The following FOXN3 variants were observed in gnomAD, a reference collection of about 807,000 sequenced individuals.
The protein encoded by FOXN3 is forkhead box protein N3.
Under a neutral mutation model 38.4 loss-of-function variants are expected in FOXN3, and 7 were observed. The ratio of observed to expected loss-of-function variants is 0.18; its 90% confidence interval spans 0.10 to 0.34. The LOEUF is 0.34. Ranked by LOEUF, FOXN3 falls within the 10% of genes least tolerant of loss-of-function variation. The probability of loss-of-function intolerance (pLI) is 1.00; values close to 1 mark genes in which losing one functional copy is unlikely to be tolerated. For synonymous variants in FOXN3, 230 were observed against 242.2 expected, an observed-to-expected ratio of 0.95 and a Z score of 0.47; for missense variants, 456 against 613.4, an observed-to-expected ratio of 0.74 and a Z score of 2.71.
At chr14:89,207,737 T>C (rs771820370) in intron 4 of FOXN3, among the ~76,000 whole-genome samples, 6 of 152,190 alleles carry the variant, frequency 3.9e-5, no homozygotes, top group Non-Finnish European at 7.3e-5. Flanking sequence ...AAACGTACTG[T>C]ACCAGATGTG....
intron 1 of FOXN3, among the ~76,000 whole-genome samples, chr14:89,520,060 C>T (rs1164571543): frequency 1.3e-5 from 2 of 149,454 alleles, no homozygotes; most frequent in Non-Finnish European, 3.0e-5. Flanking sequence ...GTCACCCAGG[C>T]TGGAGTGCAG....
chr14:89,531,133 C>CATATATGTATTATATATACACATAT (rs1266174629), intron 1 of FOXN3, among the ~76,000 whole-genome samples: 1 of 148,670 alleles, frequency 6.7e-6, no homozygotes, highest in African/African-American at 2.5e-5. Flanking sequence ...TATATATACA[C>CATATATGTATTATATATACACATAT]ATATATGTAT....
intron 4 of FOXN3, among the ~76,000 whole-genome samples, chr14:89,181,276 C>T (rs1241267874): frequency 6.6e-6 from 1 of 152,076 alleles, no homozygotes; most frequent in Non-Finnish European, 1.5e-5. Context: ...AACCTTTTAC[C>T]TTCAGTCAGA....
At chr14:89,611,968 C>G (rs953400798) in intron 1 of FOXN3, among the ~76,000 whole-genome samples, 26 of 152,062 alleles carry the variant, frequency 1.7e-4, no homozygotes, top group African/African-American at 5.6e-4. Context: ...TTCTTCCCCC[C>G]GAAGGGAACT....
chr14:89,496,957 CTTCT>C (rs1010254920), intron 1 of FOXN3, among the ~76,000 whole-genome samples: 2 of 152,148 alleles, frequency 1.3e-5, no homozygotes, highest in Non-Finnish European at 2.9e-5. Context: ...GTGTCAGAAT[CTTCT>C]TTCTTTTTTT....
chr14:89,499,313 GGC>G (rs1417692876), intron 1 of FOXN3, among the ~76,000 whole-genome samples: 1 of 152,096 alleles, frequency 6.6e-6, no homozygotes, highest in East Asian at 1.9e-4. Flanking sequence ...GATGAATACA[GGC>G]CTGAGAAACT....
chr14:89,524,758 C>T (rs1475307753), intron 1 of FOXN3, among the ~76,000 whole-genome samples: 1 of 152,058 alleles, frequency 6.6e-6, no homozygotes, highest in Non-Finnish European at 1.5e-5. Context: ...AAAAAGTAGG[C>T]TTACATCTAT....
intron 2 of FOXN3, among the ~76,000 whole-genome samples, chr14:89,362,779 ACC>A (rs1889916431): frequency 8.4e-6 from 1 of 118,700 alleles, no homozygotes; most frequent in Admixed American, 8.8e-5. Flanking sequence ...CACCACCACC[ACC>A]ACCACCACCA....
Position 89,482,894 on chromosome 14 carries a change from A to G in FOXN3, c.-14-70404T>C, listed in dbSNP as rs557991130. The stretch of plus-strand genomic sequence containing the variant: ...CACTGCACTCTAGCTGGGGCAACAG[A>G]GCAAGACCCTGTATGAAAAAAAAAA... On this transcript the variant is annotated intron_variant, in intron 1 of 6. Coordinates refer to the FOXN3 transcript ENST00000345097. Among the ~76,000 whole-genome samples the G allele has an allele frequency of 2.3e-5, 3 of 132,514 alleles. No individual in the cohort carries two copies. The South Asian group carries it at 7.7e-4, about 34-fold the overall frequency. The allele number at this position is 132,514 out of a possible 152,430, so 86.9% of individuals were successfully genotyped here.
chr14:89,258,041 G>A (rs1042361571), intron 4 of FOXN3, among the ~76,000 whole-genome samples: 7 of 152,118 alleles, frequency 4.6e-5, no homozygotes, highest in Non-Finnish European at 1.0e-4. Context: ...GAATGAAACT[G>A]GGAATGACCA....
At chr14:89,241,598 T>TGGTTCTGTGGAAACAGTAACTGG (rs1343353989) in intron 4 of FOXN3, among the ~76,000 whole-genome samples, 3 of 152,236 alleles carry the variant, frequency 2.0e-5, no homozygotes, top group Non-Finnish European at 2.9e-5. Flanking sequence ...GAAAGCCTGC[T>TGGTTCTGTGGAAACAGTAACTGG]GGTTCTGTGG....
chr14:89,539,261 T>C (rs77384101), intron 1 of FOXN3, among the ~76,000 whole-genome samples: 2,919 of 152,350 alleles, frequency 0.019, 91 homozygotes, highest in African/African-American at 0.067. Flanking sequence ...AAAGGTTATG[T>C]AGTCAAATGG....
intron 3 of FOXN3, among the ~76,000 whole-genome samples, chr14:89,282,135 A>C (rs138137246): frequency 1.2e-4 from 18 of 152,304 alleles, no homozygotes; most frequent in African/African-American, 4.3e-4. Flanking sequence ...ATAGTATGGC[A>C]GGTATAGGGA....
rs1027231548 is a variant in FOXN3, at chr14:89,161,110, G to A, written c.*1304C>T. ...ACTTTGTTACTTTTGAATAAAAAAA[G>A]TTTGTTTTTGTGATTTTTTTCTCTT... On this transcript the variant is annotated 3_prime_UTR_variant, in exon 6 of 6. Transcript: ENST00000557258. 2 of 152,244 alleles carry A rather than the reference G, an allele frequency of 1.3e-5. No homozygotes were observed. Among genetic ancestry groups the A allele is most frequent in the African/African-American group, 4.8e-5 (2 of 41,340 alleles). The allele number at this position is 152,244 out of a possible 1,614,324, so 9.4% of individuals were successfully genotyped here.
chr14:89,501,673 T>C (rs768397803), intron 1 of FOXN3, among the ~76,000 whole-genome samples: 1 of 152,144 alleles, frequency 6.6e-6, no homozygotes, highest in Non-Finnish European at 1.5e-5. Context: ...GGGGTTCTAC[T>C]ATTCAAAGGA....
intron 1 of FOXN3, among the ~76,000 whole-genome samples, chr14:89,439,469 A>G (rs919605328): frequency 1.3e-5 from 2 of 151,988 alleles, no homozygotes; most frequent in Non-Finnish European, 2.9e-5. Context: ...TCACTGCTAC[A>G]CTCCCACCAG....
intron 1 of FOXN3, among the ~76,000 whole-genome samples, chr14:89,578,214 T>A (rs1184172687): frequency 2.0e-5 from 3 of 152,230 alleles, no homozygotes; most frequent in Admixed American, 2.0e-4. Context: ...TCTCTTTGAA[T>A]GTCTACAGTG....
At chr14:89,318,177 A>C (rs1409175797) in intron 3 of FOXN3, among the ~76,000 whole-genome samples, 1 of 20,730 alleles carries the variant, frequency 4.8e-5, no homozygotes, top group African/African-American at 2.6e-4. Context: ...TTTTTTTTTG[A>C]GGCGGAGTTT....
intron 3 of FOXN3, among the ~76,000 whole-genome samples, chr14:89,300,753 A>G (rs907762082): frequency 8.5e-5 from 13 of 152,150 alleles, no homozygotes; most frequent in Non-Finnish European, 1.2e-4. Flanking sequence ...TGGGCACTCA[A>G]TTGCTACAGT....
Sources: allele counts gnomAD v4.1 joint callset (sites outside exome capture counted in the v4.1 genomes callset), GRCh38; gene constraint gnomAD v4.1.1; transcripts MANE v1.5; gene names NCBI Gene and HGNC (gene_info 2026-07-23, HGNC 2026-07-21).